The following GPRASP1 variants were observed in gnomAD, a reference collection of about 807,000 sequenced individuals.
GPRASP1 encodes the protein G protein-coupled receptor associated sorting protein 1, also known as G protein-coupled receptor-associated sorting protein 1.
Under a neutral mutation model 68.4 loss-of-function variants are expected in GPRASP1, and 28 were observed. The ratio of observed to expected loss-of-function variants is 0.41; its 90% CI spans 0.30 to 0.56. The LOEUF (loss-of-function observed/expected upper bound fraction) is 0.56, where lower values mean the gene tolerates loss of function less well. GPRASP1 is among the 20% of genes least tolerant of loss of function. GPRASP1 has a pLI of 0.29. For synonymous variants in GPRASP1, 304 were observed against 358.2 expected (o/e 0.85, Z 1.71); for missense variants, 913 against 1,031.5 (o/e 0.89, Z 1.57).
rs773736758 is a variant in GPRASP1, at chrX:102,655,917, TGAG to T, written c.2008_2010del (p.Glu670del). ...TCAGATGCAGATTTATGGCAGGGGCTGAGGAGACCAATAATAAGTCTTGCTTCT... is the reference window on the plus strand; with the variant it reads ...TCAGATGCAGATTTATGGCAGGGGCTGAGACCAATAATAAGTCTTGCTTCT... On this transcript the variant is annotated inframe_deletion, in exon 6 of 6. Transcript: ENST00000537097. 1.1e-5 allele frequency: 13 copies of T among 1,209,377 alleles called. No homozygotes were observed. Among genetic ancestry groups the T allele is most frequent in the Non-Finnish European group, 1.5e-5 (13 of 894,797 alleles).
In GPRASP1 at chrX:102,655,861, G is replaced by A. The variant is rs2081404134; in HGVS notation, c.1948G>A (p.Glu650Lys). 1 of 1,209,635 alleles carries A rather than the reference G, an allele frequency of 8.3e-7. No individual in the cohort carries two copies. Among genetic ancestry groups the A allele is most frequent in the African/African-American group, 1.8e-5 (1 of 57,014 alleles). The change falls in exon 6 of 6, where the codon GAA becomes AAA. Residue 650 changes from glutamate (E) to lysine (K), a missense_variant. By Grantham distance (56) the Glu-to-Lys change is moderately conservative (BLOSUM62 1). Transcript: ENST00000537097. ...CATGATACCATGTTTTGGAGCCAAA[G>A]AAGAGGTCAGTATGAAGCATGGGAC... Reference protein sequence around the residue: ...EAMIPCFGAKEEVSMKHGTGV... With the variant: ...EAMIPCFGAKKEVSMKHGTGV...
In GPRASP1 at chrX:102,654,238, G is replaced by C. The variant is rs748210818; in HGVS notation, c.325G>C (p.Glu109Gln). The C allele has an allele frequency of 8.3e-6, 10 of 1,210,509 alleles. No individual in the cohort carries two copies. In the African/African-American group the frequency reaches 1.2e-4, roughly 15 times the overall value. ...TGGTGCTGAAAGATTGTCTAAGACA[G>C]AGAGAAACTCCCAGACCAATATCAT... ...RFGAERLSKT[E>Q]RNSQTNIIAS... is the part of the protein sequence containing the mutation. The change falls in exon 6 of 6, where the codon GAG (glutamate) becomes CAG (glutamine). Residue 109 changes from glutamate to glutamine, a missense_variant. Glu to Gln is a conservative substitution (Grantham distance 29, BLOSUM62 2). Transcript: ENST00000537097.
chrX:102,654,121 G>A lies in GPRASP1; in HGVS notation c.208G>A (p.Ala70Thr). 1 of 1,212,174 alleles carries A rather than the reference G, an allele frequency of 8.2e-7. No individual in the cohort carries two copies. Among genetic ancestry groups the A allele is most frequent in the Non-Finnish European group, 1.1e-6 (1 of 895,438 alleles). The change falls in exon 6 of 6, where the codon GCA becomes ACA. Residue 70 changes from alanine to threonine, a missense_variant. By Grantham distance (58) the Ala-to-Thr change is moderately conservative (BLOSUM62 0). Coordinates refer to ENST00000537097, the MANE Select transcript of GPRASP1 (RefSeq NM_001184727.2). ...PGASTKVETS[A>T]VGGARPKSKA... ...AGCAAGCACCAAAGTTGAGACAAGT[G>A]CAGTGGGTGGGGCACGCCCTAAGAG... is the stretch of plus-strand genomic sequence containing the variant.
In GPRASP1 at chrX:102,656,001, G is replaced by A. The variant is rs2081406646; in HGVS notation, c.2088G>A (p.Arg696=). 2 of 1,209,881 alleles carry A rather than the reference G, an allele frequency of 1.7e-6. No individual in the cohort carries two copies. The highest frequency in any genetic ancestry group is 2.2e-6 in the Non-Finnish European group (2 of 895,236). The change falls in exon 6 of 6, where the codon AGG becomes AGA. Residue 696 remains arginine (R), a synonymous_variant. Transcript: ENST00000537097. ...YPAGGGSWKS[R]PEEEEDIVNS... ...CCGGTGGAGGAAGTTGGAAGTCTAG[G>A]CCAGAGGAGGAAGAGGACATTGTCA...
rs1010365174 is a variant in GPRASP1 at position 102,654,814 on chromosome X, C to T, written c.901C>T (p.His301Tyr). The T allele has an allele frequency of 1.1e-5, 13 of 1,211,084 alleles. No homozygotes were observed. In the East Asian group the frequency reaches 3.8e-4, roughly 36 times the overall value. ...VYVESSSGSEHEDHLESWFGA... is the reference protein window; with the variant it reads ...VYVESSSGSEYEDHLESWFGA... ...TGTTGAATCAAGTTCTGGATCTGAGCATGAAGACCATTTGGAGTCCTGGTT... is the reference window on the plus strand; with the variant it reads ...TGTTGAATCAAGTTCTGGATCTGAGTATGAAGACCATTTGGAGTCCTGGTT... Residue 301 changes from histidine (H) to tyrosine (Y), a missense_variant, in exon 6 of 6, where the codon CAT becomes TAT. Transcript: ENST00000537097.
chrX:102,656,060 C>T lies in GPRASP1; in HGVS notation c.2147C>T (p.Pro716Leu). 8.3e-7 allele frequency: 1 copy of T among 1,210,419 alleles called. No homozygotes were observed. The highest frequency in any genetic ancestry group is 1.1e-6 in the Non-Finnish European group (1 of 894,606). The part of the protein sequence containing the change: ...SWFWSRKYTK[P>L]EAIIGSWLWA... ...TTCTGGTCCAGAAAATACACAAAGC[C>T]AGAGGCCATTATAGGGTCCTGGTTA... The change falls in exon 6 of 6, where the codon CCA becomes CTA. Residue 716 changes from proline to leucine, a missense_variant. Pro to Leu is a moderately conservative substitution (Grantham distance 98). Transcript: ENST00000537097.
At position 102,653,606 on chromosome X, in the gene GPRASP1, G is replaced by A; in HGVS notation, c.-308G>A. 4.1e-6 allele frequency: 1 copy of A among 242,413 alleles called. No homozygotes were observed. The highest frequency in any genetic ancestry group is 2.7e-5 in the African/African-American group (1 of 36,842). The allele number at this position is 242,413 out of a possible 1,213,427, so 20.0% of individuals were successfully genotyped here. ...TCCACCTCCAGTGGCTGCTCTGCTG[G>A]TGGTGGGGTTGCTGCTGACAACCAC... On this transcript the variant is annotated 5_prime_UTR_variant, in exon 6 of 6. In the 5' UTR this introduces an upstream ATG that the reference lacks. Coordinates refer to ENST00000537097, the MANE Select transcript of GPRASP1 (RefSeq NM_001184727.2).
Position 102,655,870 on chromosome X carries a change from A to G in GPRASP1, c.1957A>G (p.Ser653Gly), listed in dbSNP as rs1178991745. ...IPCFGAKEEV[S>G]MKHGTGVRCR... ...ATGTTTTGGAGCCAAAGAAGAGGTC[A>G]GTATGAAGCATGGGACTGGTGTCAG... Residue 653 changes from serine (S) to glycine (G), a missense_variant, in exon 6 of 6, where the codon AGT becomes GGT. Ser to Gly is a moderately conservative substitution (Grantham distance 56). Coordinates refer to ENST00000537097, the MANE Select transcript of GPRASP1 (RefSeq NM_001184727.2). The G allele has an allele frequency of 4.1e-6, 5 of 1,209,661 alleles. No individual in the cohort carries two copies. Among genetic ancestry groups the G allele is most frequent in the Non-Finnish European group, 5.6e-6 (5 of 895,094 alleles).
In GPRASP1 at chrX:102,655,236, TGAA is replaced by T; in HGVS notation, c.1329_1331del (p.Glu444del). 1 of 1,211,691 alleles carries T rather than the reference TGAA, an allele frequency of 8.3e-7. No homozygotes were observed. Among genetic ancestry groups the T allele is most frequent in the Non-Finnish European group, 1.1e-6 (1 of 895,289 alleles). On this transcript the variant is annotated inframe_deletion, in exon 6 of 6. Coordinates refer to ENST00000537097, the MANE Select transcript of GPRASP1 (RefSeq NM_001184727.2). Reference sequence around the variant, plus strand: ...CCATAATTGGGAGTTGGTTCTGGACTGAAGAAGAGGCCAGTATGGGGACTGGGG... The same window carrying T: ...CCATAATTGGGAGTTGGTTCTGGACTGAAGAGGCCAGTATGGGGACTGGGG...
rs779413833 is a variant in GPRASP1, at chrX:102,655,134, C to T, written c.1221C>T (p.Thr407=). The T allele has an allele frequency of 8.3e-7, 1 of 1,210,718 alleles. No individual in the cohort carries two copies. The highest frequency in any genetic ancestry group is 1.1e-6 in the Non-Finnish European group (1 of 895,367). Residue 407 remains threonine, a synonymous_variant, in exon 6 of 6, where the codon ACC becomes ACT. Coordinates refer to ENST00000537097, the MANE Select transcript of GPRASP1 (RefSeq NM_001184727.2). ...ARSEEEALIG[T]WFWATDESSM... ...CAGAGGAGGAAGCCCTCATTGGGACCTGGTTCTGGGCTACAGACGAGTCCA... is the reference window on the plus strand; with the variant it reads ...CAGAGGAGGAAGCCCTCATTGGGACTTGGTTCTGGGCTACAGACGAGTCCA...
At chrX:102,652,746 C>A (rs2081367716) in intron 3 of GPRASP1, 85 bp from the exon 4 acceptor site, 1 of 112,815 alleles carries the variant, frequency 8.9e-6, no homozygotes, top group Non-Finnish European at 1.9e-5. Context: ...TATGGGGATT[C>A]TTATCCTTAG....
chrX:102,653,938 G>A lies in GPRASP1; in HGVS notation c.25G>A (p.Gly9Ser), dbSNP rs754603585. ...CATGACTGGGGCAGAGATTGAGTCT[G>A]GTGCCCAGGTCAAGCCTGAAAAGAA... is the stretch of plus-strand genomic sequence containing the variant. The part of the protein sequence containing the change: MTGAEIES[G>S]AQVKPEKKPG... The change falls in exon 6 of 6, where the codon GGT (glycine) becomes AGT (serine). Residue 9 changes from glycine to serine, a missense_variant. Physicochemically the swap from Gly to Ser is moderately conservative, Grantham distance 56. Transcript: ENST00000537097. 8.3e-7 allele frequency: 1 copy of A among 1,209,806 alleles called. No homozygotes were observed.
chrX:102,658,024 A>G lies in GPRASP1; in HGVS notation c.4111A>G (p.Lys1371Glu), dbSNP rs1355846437. 8.3e-7 allele frequency: 1 copy of G among 1,201,269 alleles called. No homozygotes were observed. The highest frequency in any genetic ancestry group is 1.8e-5 in the South Asian group (1 of 56,182). ...NIEPLISAFH[K>E]VEKFAKELQG... ...TGAGCCGCTTATTTCTGCATTCCAC[A>G]AAGTTGAGAAATTTGCTAAGGAACT... The change falls in exon 6 of 6, where the codon AAA (lysine) becomes GAA (glutamate). Residue 1371 changes from lysine to glutamate, a missense_variant. By Grantham distance (56) the Lys-to-Glu change is moderately conservative (BLOSUM62 1). Transcript: ENST00000537097.
chrX:102,651,861 T>C (rs1251916969), intron 2 of GPRASP1, 128 bp downstream of exon 2: 1 of 113,037 alleles, frequency 8.8e-6, no homozygotes, highest in Non-Finnish European at 1.9e-5. Context: ...CGCTGACCGC[T>C]TCCCAGCCAG....
rs2081385468 is a variant in GPRASP1, at chrX:102,654,412, AAGG to A, written c.505_507del (p.Glu169del). 2 of 1,211,734 alleles carry A rather than the reference AAGG, an allele frequency of 1.7e-6. No individual in the cohort carries two copies. The highest frequency in any genetic ancestry group is 2.2e-6 in the Non-Finnish European group (2 of 895,299). On this transcript the variant is annotated inframe_deletion, in exon 6 of 6. Transcript: ENST00000537097. ...AGGATTCCAGCCTTCTTTTAGGTCA[AAGG>A]AGGAGACCAATATGGGGTCCTGGTG...
rs1010386418 is a variant in GPRASP1 at position 102,655,437 on chromosome X, C to A, written c.1524C>A (p.Val508=). The A allele has an allele frequency of 5.8e-6, 7 of 1,211,318 alleles. No individual in the cohort carries two copies. Among genetic ancestry groups the A allele is most frequent in the Middle Eastern group, 4.6e-4 (2 of 4,355 alleles). The change falls in exon 6 of 6, where the codon GTC becomes GTA. Residue 508 remains valine (V), a synonymous_variant. Coordinates refer to ENST00000537097, the MANE Select transcript of GPRASP1 (RefSeq NM_001184727.2). ...CCTGGTTCTGGGCTGGTGAAGAGGT[C>A]AACCAAGAGGCTGAGGAAGAGACCA... The part of the protein sequence containing the change: ...IGSWFWAGEE[V]NQEAEEETIF...
At chrX:102,653,354 C>T (rs1368507717) in intron 5 of GPRASP1, 56 bp downstream of exon 5, 2 of 113,210 alleles carry the variant, frequency 1.8e-5, no homozygotes, top group African/African-American at 3.3e-5. Context: ...AGCATGGGTC[C>T]GGGAGTGCTT....
rs963279092 is a variant in GPRASP1, at chrX:102,656,304, T to C, written c.2391T>C (p.Thr797=). The change falls in exon 6 of 6, where the codon ACT becomes ACC. Residue 797 remains threonine, a synonymous_variant. Coordinates refer to ENST00000537097, the MANE Select transcript of GPRASP1 (RefSeq NM_001184727.2). The stretch of plus-strand genomic sequence containing the variant: ...ACAGACTAGAGCCAGCTGCTGAGAC[T>C]AGAGAAGAAGACAGGCTAGCAGCTG... ...EEDRLEPAAE[T]REEDRLAAEK... The C allele has an allele frequency of 5.0e-6, 6 of 1,196,596 alleles. No individual in the cohort carries two copies. The African/African-American group carries it at 1.1e-4, about 21-fold the overall frequency.
At position 102,656,969 on chromosome X, in the gene GPRASP1, GC is replaced by G; in HGVS notation, c.3060del (p.Val1021CysfsTer45). On this transcript the variant is annotated frameshift_variant, in exon 6 of 6. Transcript: ENST00000537097. LOFTEE classifies it high-confidence loss of function. ...GAGGCCCATTTTGAATCAAATCCTAGCCCCGTGTTCAGGGCCATTTGCAGGT... is the reference window on the plus strand; with the variant it reads ...GAGGCCCATTTTGAATCAAATCCTAGCCCGTGTTCAGGGCCATTTGCAGGT... ...GDEAHFESNP[S>X]PVFRAICRST... 8.3e-7 allele frequency: 1 copy of G among 1,211,523 alleles called. No homozygotes were observed. The highest frequency in any genetic ancestry group is 1.1e-6 in the Non-Finnish European group (1 of 895,392).
Sources: gnomAD v4.1 joint callset for allele counts on GRCh38, gnomAD v4.1.1 for gene constraint, MANE v1.5 for transcripts, NCBI Gene and HGNC (gene_info 2026-07-23, HGNC 2026-07-21) for gene names.